Variants in IQSEC1 observed in about 807,000 individuals in gnomAD.
The protein encoded by IQSEC1 is IQ motif and SEC7 domain-containing protein 1.
Under a neutral mutation model 91.0 loss-of-function variants are expected in IQSEC1, and 31 were observed. The observed-to-expected ratio is 0.34, with a 90% CI of 0.26 to 0.46. The LOEUF (loss-of-function observed/expected upper bound fraction) is 0.46. Ranked by LOEUF, IQSEC1 falls within the 20% of genes least tolerant of loss-of-function variation. The probability of loss-of-function intolerance (pLI) is 1.00; values close to 1 mark genes in which losing one functional copy is unlikely to be tolerated. For missense variants in IQSEC1, 1,388 were observed against 1,575.6 expected, an observed-to-expected ratio of 0.88 and a Z score of 2.02; for synonymous variants, 699 against 662.6, an observed-to-expected ratio of 1.05 and a Z score of -0.84.
At chr3:13,054,710 G>T (rs1258785458) in intron 1 of IQSEC1, among the ~76,000 whole-genome samples, 1 of 152,172 alleles carries the variant, frequency 6.6e-6, no homozygotes, top group Admixed American at 6.5e-5. Context: ...CTCTGGACTT[G>T]AGCCCAGGAA....
intron 1 of IQSEC1, among the ~76,000 whole-genome samples, chr3:12,991,589 A>T (rs536245233): frequency 1.3e-5 from 2 of 152,270 alleles, no homozygotes; most frequent in African/African-American, 4.8e-5. Context: ...CAACTCTCCT[A>T]CCAGAGGCCA....
chr3:13,017,086 C>T (rs1703169899), intron 1 of IQSEC1, among the ~76,000 whole-genome samples: 1 of 152,200 alleles, frequency 6.6e-6, no homozygotes, highest in Non-Finnish European at 1.5e-5. Context: ...AATAATATTC[C>T]ACACTATGGA....
chr3:13,038,240 GTATA>G (rs1296594428), intron 1 of IQSEC1, among the ~76,000 whole-genome samples: 1 of 92,256 alleles, frequency 1.1e-5, no homozygotes, highest in Admixed American at 1.4e-4. Context: ...AAATATACAA[GTATA>G]TATATGTGTG....
At chr3:12,958,548 C>T (rs1049769934) in intron 1 of IQSEC1, among the ~76,000 whole-genome samples, 2 of 152,206 alleles carry the variant, frequency 1.3e-5, no homozygotes, top group South Asian at 2.1e-4. Flanking sequence ...GCCACTGTCA[C>T]GATTTAAGAC....
At chr3:13,048,733 T>C (rs746214036) in intron 1 of IQSEC1, among the ~76,000 whole-genome samples, 1 of 152,212 alleles carries the variant, frequency 6.6e-6, no homozygotes, top group Non-Finnish European at 1.5e-5. Context: ...CTAGCTGCCA[T>C]TGTGGCCGCT....
chr3:13,244,647 C>G (rs369482154), intron 1 of IQSEC1, among the ~76,000 whole-genome samples: 4 of 152,344 alleles, frequency 2.6e-5, no homozygotes, highest in South Asian at 4.1e-4. Context: ...GCACTCCATA[C>G]TGATCCCCAC....
chr3:13,101,167 G>A (rs559798595), intron 2 of IQSEC1, among the ~76,000 whole-genome samples: 9 of 152,298 alleles, frequency 5.9e-5, no homozygotes, highest in South Asian at 2.1e-4. Context: ...ACAGTGACAC[G>A]ATGCGACTTC....
chr3:12,935,821 C>G lies in IQSEC1; in HGVS notation c.1195G>C (p.Gly399Arg). 6.2e-7 allele frequency: 1 copy of G among 1,608,178 alleles called. No individual in the cohort carries two copies. The highest frequency in any genetic ancestry group is 8.5e-7 in the Non-Finnish European group (1 of 1,179,882). ...RQSAYERSLG[G>R]QQGSPKHGPH... The stretch of plus-strand genomic sequence containing the variant: ...CCATGCTTGGGACTGCCCTGCTGCC[C>G]GCCAAGGCTGCGCTCGTAAGCACTC... The change falls in exon 3 of 14, where the codon GGG (glycine) becomes CGG (arginine). Residue 399 changes from glycine to arginine, a missense_variant. Around this residue, in one of 2 missense-constraint regions of IQSEC1, gnomAD observed 1,059 missense variants for 1,317.8 expected, o/e 0.80. Coordinates refer to ENST00000613206, the MANE Select transcript of IQSEC1 (RefSeq NM_001134382.3). This position sits in a 1 kb window ranked among gnomAD's most constrained non-coding sequence, Gnocchi z 8.0.
intron 2 of IQSEC1, among the ~76,000 whole-genome samples, chr3:13,121,104 C>G (rs1706416141): frequency 6.6e-6 from 1 of 152,238 alleles, no homozygotes; most frequent in African/African-American, 2.4e-5. Flanking sequence ...CCCTGACTAT[C>G]ACAGTCGCTG....
At chr3:13,107,964 G>A (rs1706179335) in intron 2 of IQSEC1, among the ~76,000 whole-genome samples, 1 of 152,220 alleles carries the variant, frequency 6.6e-6, no homozygotes, top group Admixed American at 6.5e-5. Context: ...GCGCCGGGGA[G>A]CAGCCCCGCA....
chr3:13,258,725 T>C (rs1695332595), intron 1 of IQSEC1, among the ~76,000 whole-genome samples: 1 of 151,956 alleles, frequency 6.6e-6, no homozygotes. Flanking sequence ...TAAAAATAAA[T>C]CTAGAACCCA....
chr3:13,029,425 G>A (rs565740684), intron 1 of IQSEC1, among the ~76,000 whole-genome samples: 1 of 152,354 alleles, frequency 6.6e-6, no homozygotes, highest in East Asian at 1.9e-4. Flanking sequence ...TCTGAGACAT[G>A]CTTCATAACC....
chr3:12,910,475 A>G (rs1010341996), intron 10 of IQSEC1, among the ~76,000 whole-genome samples: 2 of 152,244 alleles, frequency 1.3e-5, no homozygotes, highest in Non-Finnish European at 2.9e-5. Context: ...CCACCATCTC[A>G]GAGAGCAGGC....
chr3:13,200,672 AGGCTGGGCT>A (rs1694228202), intron 1 of IQSEC1, among the ~76,000 whole-genome samples: 1 of 152,216 alleles, frequency 6.6e-6, no homozygotes, highest in Non-Finnish European at 1.5e-5. Flanking sequence ...CCTGCTCTCC[AGGCTGGGCT>A]GCTTTCCGGA....
At chr3:12,971,295 T>G (rs549398083) in intron 1 of IQSEC1, among the ~76,000 whole-genome samples, 8 of 152,314 alleles carry the variant, frequency 5.3e-5, no homozygotes, top group Non-Finnish European at 7.3e-5. Flanking sequence ...ATGATAGGGC[T>G]GGGCCAGATG....
At chr3:12,971,282 G>GA (rs1700879312) in intron 1 of IQSEC1, among the ~76,000 whole-genome samples, 1 of 152,222 alleles carries the variant, frequency 6.6e-6, no homozygotes. Flanking sequence ...GACAGTGACT[G>GA]AAATGATAGG....
At chr3:13,020,304 C>T (rs1383968494) in intron 1 of IQSEC1, among the ~76,000 whole-genome samples, 1 of 152,196 alleles carries the variant, frequency 6.6e-6, no homozygotes, top group Admixed American at 6.5e-5. Context: ...CAGGGCTGAG[C>T]TCTGCCTCTC....
Position 12,936,297 on chromosome 3 carries a change from A to G in IQSEC1, c.719T>C (p.Ile240Thr), listed in dbSNP as rs1322362814. ...GCTGCGGCAGTTGAGGGCATCGTCG[A>G]TGGACTCGGCCAGTGATTTCACTTG... ...SRQVKSLAES[I>T]DDALNCRSLH... Residue 240 changes from isoleucine (I) to threonine (T), a missense_variant, in exon 3 of 14, where the codon ATC becomes ACC. Transcript: ENST00000613206. The G allele has an allele frequency of 3.7e-6, 6 of 1,612,952 alleles. No homozygotes were observed. Among genetic ancestry groups the G allele is most frequent in the Non-Finnish European group, 4.2e-6 (5 of 1,179,846 alleles).
chr3:13,004,719 G>C (rs1702561752), intron 1 of IQSEC1, among the ~76,000 whole-genome samples: 1 of 152,164 alleles, frequency 6.6e-6, no homozygotes, highest in African/African-American at 2.4e-5. Context: ...GGGTGGCTGG[G>C]GGCTGTCCAG....
Sources: allele counts gnomAD v4.1 joint callset (sites outside exome capture counted in the v4.1 genomes callset), GRCh38; gene constraint gnomAD v4.1.1; regional missense constraint gnomAD v4.1.1; non-coding constraint Gnocchi (gnomAD v3.1); transcripts MANE v1.5; gene names NCBI Gene and HGNC (gene_info 2026-07-23, HGNC 2026-07-21).